UBR3: variants seen among roughly 807,000 people sequenced by gnomAD.
The protein encoded by UBR3 is E3 ubiquitin-protein ligase UBR3.
A neutral mutation model predicts 243.2 loss-of-function variants in UBR3; 85 were observed. The ratio of observed to expected loss-of-function variants is 0.35; its 90% CI spans 0.29 to 0.42. The LOEUF is 0.42. Among genes scored for constraint, UBR3 ranks in the 10% least tolerant of loss-of-function variants. The pLI is 1.00. For synonymous variants in UBR3, 748 were observed against 799.8 expected (o/e 0.94, Z 1.09); for missense variants, 1,686 against 2,300.8 (o/e 0.73, Z 5.47).
intron 30 of UBR3, among the ~76,000 whole-genome samples, chr2:170,021,423 A>T (rs2090388948): frequency 6.6e-6 from 1 of 152,100 alleles, no homozygotes; most frequent in Admixed American, 6.6e-5. Flanking sequence ...GCTTCCTCAT[A>T]CATAGCTGTC....
chr2:169,903,671 G>A (rs1256454867), intron 8 of UBR3, among the ~76,000 whole-genome samples: 2 of 152,158 alleles, frequency 1.3e-5, no homozygotes, highest in Non-Finnish European at 2.9e-5. Flanking sequence ...CCTCCTGACT[G>A]ATGAGTATGA....
In UBR3 at chr2:169,866,150, CAAAAAAAAAAA is replaced by C. The variant is rs578054467; in HGVS notation, c.546-6066_546-6056del. Among the ~76,000 whole-genome samples, 292 of 53,328 alleles carry C rather than the reference CAAAAAAAAAAA, an allele frequency of 5.5e-3. 1 individual carries two copies. Among genetic ancestry groups the C allele is most frequent in the Admixed American group, 0.03 (99 of 3,348 alleles). The allele number at this position is 53,328 out of a possible 152,430, so 35.0% of individuals were successfully genotyped here. A position where few individuals can be genotyped will look rare whatever the true frequency, so the allele number is the denominator to read the frequency against. ...TGGGCAACAGAGCGAGACTGTGTCTCAAAAAAAAAAAAAAAAAAAAAAAAAAAAAAGCTTTT... is the reference window on the plus strand; with the variant it reads ...TGGGCAACAGAGCGAGACTGTGTCTCAAAAAAAAAAAAAAAAAAAGCTTTT... On this transcript the variant is annotated intron_variant, in intron 1 of 38. Coordinates refer to ENST00000272793, the MANE Select transcript of UBR3 (RefSeq NM_172070.4).
At chr2:169,934,760 A>G (rs1005120829) in intron 19 of UBR3, among the ~76,000 whole-genome samples, 1 of 152,348 alleles carries the variant, frequency 6.6e-6, no homozygotes, top group Admixed American at 6.5e-5. Context: ...TATTTGTTAA[A>G]CGAATGAAAA....
intron 35 of UBR3, among the ~76,000 whole-genome samples, chr2:170,066,545 A>AATAT (rs954423067): frequency 1.3e-5 from 2 of 152,190 alleles, no homozygotes. Flanking sequence ...GAAGAACATT[A>AATAT]ATATATCTCC....
At position 169,928,474 on chromosome 2, in the gene UBR3, G is replaced by T. The variant is rs191763469; in HGVS notation, c.2425-253G>T. Among the ~76,000 whole-genome samples the T allele has an allele frequency of 1.6e-4, 24 of 151,878 alleles. No homozygotes were observed. In the Middle Eastern group the frequency reaches 0.014, roughly 86 times the overall value. Reference sequence around the variant, plus strand: ...CTGAAATTTGATAAATTTATTTCGGGGAAAATATACCTGGGAACTACTGCA... The same window carrying T: ...CTGAAATTTGATAAATTTATTTCGGTGAAAATATACCTGGGAACTACTGCA... On this transcript the variant is annotated intron_variant, in intron 17 of 38. Coordinates refer to ENST00000272793, the MANE Select transcript of UBR3 (RefSeq NM_172070.4).
At chr2:169,966,153 C>G (rs983001830) in intron 24 of UBR3, among the ~76,000 whole-genome samples, 1 of 152,094 alleles carries the variant, frequency 6.6e-6, no homozygotes, top group African/African-American at 2.4e-5. Context: ...ATCCTTCTTT[C>G]TTGATCATTA....
chr2:169,874,990 G>A (rs1388095176), intron 2 of UBR3, among the ~76,000 whole-genome samples: 1 of 111,536 alleles, frequency 9.0e-6, no homozygotes, highest in South Asian at 2.8e-4. Context: ...TTCAGTTGTT[G>A]TCCAAGCTTT....
intron 31 of UBR3, among the ~76,000 whole-genome samples, chr2:170,035,884 G>A (rs1009587871): frequency 9.7e-5 from 11 of 113,334 alleles, no homozygotes; most frequent in African/African-American, 3.2e-4. Flanking sequence ...ATATTTTTTT[G>A]CTAGATTTAT....
At chr2:170,023,752 C>T (rs1351284321) in intron 30 of UBR3, among the ~76,000 whole-genome samples, 1 of 152,210 alleles carries the variant, frequency 6.6e-6, no homozygotes, top group East Asian at 1.9e-4. Flanking sequence ...GCCACTACAC[C>T]TGGCTAATTT....
intron 11 of UBR3, among the ~76,000 whole-genome samples, chr2:169,922,177 T>C (rs1341627355): frequency 6.6e-6 from 1 of 151,256 alleles, no homozygotes; most frequent in East Asian, 1.9e-4. Flanking sequence ...TCCCAGCTGC[T>C]CAGGGGGCCG....
chr2:169,840,707 C>A (rs1430288078), intron 1 of UBR3, among the ~76,000 whole-genome samples: 9 of 152,172 alleles, frequency 5.9e-5, no homozygotes, highest in African/African-American at 2.2e-4. Context: ...CAGTTCTCTG[C>A]TTGGGCCTCA....
intron 8 of UBR3, among the ~76,000 whole-genome samples, chr2:169,904,409 C>T (rs2084939318): frequency 6.6e-6 from 1 of 152,034 alleles, no homozygotes; most frequent in Admixed American, 6.6e-5. Flanking sequence ...ACTTCCTAGT[C>T]CAGTGAGTCA....
chr2:169,849,036 A>G (rs762145926), intron 1 of UBR3, among the ~76,000 whole-genome samples: 1 of 152,254 alleles, frequency 6.6e-6, no homozygotes, highest in African/African-American at 2.4e-5. Flanking sequence ...GAAAAGATAC[A>G]TATATATTTA....
intron 1 of UBR3, among the ~76,000 whole-genome samples, chr2:169,871,714 C>G (rs1038648189): frequency 7.5e-6 from 1 of 133,102 alleles, no homozygotes; most frequent in Non-Finnish European, 1.6e-5. Context: ...TGCCACTGCA[C>G]TCCAGCCTGG....
chr2:169,983,813 G>C (rs926538170), intron 24 of UBR3, among the ~76,000 whole-genome samples: 2 of 152,122 alleles, frequency 1.3e-5, no homozygotes, highest in Non-Finnish European at 2.9e-5. Flanking sequence ...TATTGCTTTA[G>C]TTATCTTTTT....
chr2:169,932,191 C>T (rs1391261745), intron 18 of UBR3, among the ~76,000 whole-genome samples: 1 of 151,906 alleles, frequency 6.6e-6, no homozygotes, highest in Non-Finnish European at 1.5e-5. Context: ...GTTTCTCCTG[C>T]CTCAGCCACC....
In UBR3 at chr2:169,827,566, C is replaced by T; in HGVS notation, c.59C>T (p.Pro20Leu). 1 of 1,235,326 alleles carries T rather than the reference C, an allele frequency of 8.1e-7. No homozygotes were observed. The highest frequency in any genetic ancestry group is 1.0e-6 in the Non-Finnish European group (1 of 991,948). The allele number at this position is 1,235,326 out of a possible 1,614,324, so 76.5% of individuals were successfully genotyped here. Residue 20 changes from proline (P) to leucine (L), a missense_variant, in exon 1 of 39, where the codon CCC becomes CTC. Physicochemically the swap from Pro to Leu is moderately conservative, Grantham distance 98. This residue lies in a region of UBR3 where 79 missense variants were observed against 73.2 expected (regional missense o/e 1.08). Transcript: ENST00000272793. ...CAGCAGCCGTCACAGCCCGAGCTGC[C>T]CGCGCCGGGGCTGGCCCTAGACAAG... ...GGQQPSQPEL[P>L]APGLALDKAA...
intron 24 of UBR3, among the ~76,000 whole-genome samples, chr2:169,963,669 T>C (rs1256246151): frequency 6.6e-6 from 1 of 152,132 alleles, no homozygotes; most frequent in Non-Finnish European, 1.5e-5. Flanking sequence ...ACACAAATAA[T>C]AAAAAATAAG....
chr2:170,007,859 C>T (rs891899184), intron 28 of UBR3, among the ~76,000 whole-genome samples: 1 of 151,948 alleles, frequency 6.6e-6, no homozygotes, highest in African/African-American at 2.4e-5. Flanking sequence ...GCGAGACTCC[C>T]TCTCAAAATA....
Sources: allele counts gnomAD v4.1 joint callset (sites outside exome capture counted in the v4.1 genomes callset), GRCh38; gene constraint gnomAD v4.1.1; regional missense constraint gnomAD v4.1.1; transcripts MANE v1.5; gene names NCBI Gene and HGNC (gene_info 2026-07-23, HGNC 2026-07-21).